TENM1: variants seen among roughly 807,000 people sequenced by gnomAD.
TENM1 encodes the protein teneurin-1.
A neutral mutation model predicts 174.8 loss-of-function variants in TENM1; 35 were observed. That is an observed-to-expected ratio of 0.20 (90% CI 0.15 to 0.27). The LOEUF is 0.27. TENM1 is among the 10% of genes least tolerant of loss of function. The pLI, the probability that TENM1 is intolerant of heterozygous loss-of-function variation, is 1.00. For missense variants in TENM1, 1,633 were observed against 2,130.1 expected (o/e 0.77, Z 4.59); for synonymous variants, 781 against 798.7 (o/e 0.98, Z 0.37).
the TENM1 span, chrX:125,204,157 G>A: frequency 8.9e-6 from 1 of 112,796 alleles, no homozygotes; most frequent in African/African-American, 3.2e-5. Context: ...GAAAGAGAGT[G>A]TTCGTGTGTG....
At chrX:124,943,413 G>A (rs896723660) in intron 1 of TENM1, among the ~76,000 whole-genome samples, 11 of 111,767 alleles carry the variant, frequency 9.8e-5, no homozygotes, top group African/African-American at 3.6e-4. Context: ...CACAGCACAC[G>A]ATTATAAGGC....
chrX:124,591,981 TG>T (rs1356516329), intron 11 of TENM1, among the ~76,000 whole-genome samples: 2 of 112,081 alleles, frequency 1.8e-5, no homozygotes. Flanking sequence ...TCTCCAAGCT[TG>T]GAAATTCTTT....
chrX:124,759,651 T>C (rs1402695735), intron 3 of TENM1, among the ~76,000 whole-genome samples: 2 of 112,219 alleles, frequency 1.8e-5, no homozygotes, highest in Non-Finnish European at 3.8e-5. Context: ...TGTACATATA[T>C]ATCATACAGC....
chrX:125,064,154 C>T, the TENM1 span, among the ~76,000 whole-genome samples: 4 of 71,654 alleles, frequency 5.6e-5, no homozygotes, highest in Non-Finnish European at 7.7e-5. Flanking sequence ...ACACCGGGGC[C>T]GTTGTGGGGT....
At chrX:124,544,735 T>C (rs1010306545) in intron 15 of TENM1, among the ~76,000 whole-genome samples, 1 of 111,957 alleles carries the variant, frequency 8.9e-6, no homozygotes, top group Non-Finnish European at 1.9e-5. Flanking sequence ...TAAGGACCCA[T>C]TGAAATGGGG....
intron 3 of TENM1, among the ~76,000 whole-genome samples, chrX:124,759,121 A>G: frequency 9.0e-6 from 1 of 111,587 alleles, no homozygotes; most frequent in Non-Finnish European, 1.9e-5. Context: ...TAAATAATTC[A>G]ATCTTTTATT....
intron 3 of TENM1, among the ~76,000 whole-genome samples, chrX:124,761,247 T>C (rs2054404789): frequency 1.8e-5 from 2 of 110,576 alleles, no homozygotes; most frequent in African/African-American, 6.6e-5. Flanking sequence ...TGCACACGTA[T>C]GTTCACGGCG....
At chrX:124,620,365 A>C (rs1425182360) in intron 11 of TENM1, among the ~76,000 whole-genome samples, 3 of 111,476 alleles carry the variant, frequency 2.7e-5, no homozygotes, top group African/African-American at 3.3e-5. Flanking sequence ...AAAAAGAGTA[A>C]AGAAGGAAAA....
At chrX:124,689,612 C>G (rs948171019) in intron 5 of TENM1, among the ~76,000 whole-genome samples, 2 of 110,830 alleles carry the variant, frequency 1.8e-5, no homozygotes, top group African/African-American at 6.6e-5. Context: ...TATTTATTAG[C>G]TATGTGATGT....
chrX:124,846,936 A>G (rs1301406432), intron 3 of TENM1, among the ~76,000 whole-genome samples: 2 of 112,013 alleles, frequency 1.8e-5, no homozygotes, highest in Non-Finnish European at 3.8e-5. Flanking sequence ...AAAAGGAACG[A>G]TATAACATTA....
At chrX:124,940,613 A>G (rs924866465) in intron 1 of TENM1, among the ~76,000 whole-genome samples, 1 of 110,300 alleles carries the variant, frequency 9.1e-6, no homozygotes, top group Non-Finnish European at 1.9e-5. Flanking sequence ...CCCTACTACC[A>G]CTTTCCAGAT....
chrX:124,623,568 G>T (rs1004273808), intron 11 of TENM1, among the ~76,000 whole-genome samples: 1 of 111,173 alleles, frequency 9.0e-6, no homozygotes, highest in Non-Finnish European at 1.9e-5. Context: ...CCTCCCAACT[G>T]TATCTATAAT....
At chrX:124,954,663 T>C (rs185415126) in intron 1 of TENM1, among the ~76,000 whole-genome samples, 44 of 111,507 alleles carry the variant, frequency 3.9e-4, no homozygotes, top group African/African-American at 1.3e-3. Context: ...ACTGCTTGGT[T>C]GCCTCCCACC....
At chrX:124,980,921 T>C in the TENM1 span, among the ~76,000 whole-genome samples, 1 of 112,283 alleles carries the variant, frequency 8.9e-6, no homozygotes, top group Non-Finnish European at 1.9e-5. Context: ...TTTTTTATCA[T>C]AAAATAGCAA....
chrX:124,741,411 C>T (rs1019519500), intron 3 of TENM1, among the ~76,000 whole-genome samples: 2 of 111,331 alleles, frequency 1.8e-5, no homozygotes, highest in African/African-American at 6.5e-5. Flanking sequence ...ACAGTCAGTT[C>T]TGCTACAAGA....
intron 11 of TENM1, among the ~76,000 whole-genome samples, chrX:124,639,519 T>C (rs1384697531): frequency 8.9e-6 from 1 of 111,766 alleles, no homozygotes; most frequent in African/African-American, 3.3e-5. Context: ...GTGAGTTAGA[T>C]AATAAATTTT....
At chrX:124,713,642 C>T (rs1308183253) in intron 4 of TENM1, among the ~76,000 whole-genome samples, 2 of 112,406 alleles carry the variant, frequency 1.8e-5, no homozygotes, top group African/African-American at 6.5e-5. Flanking sequence ...TCTGCCCTAT[C>T]TGGTCAACTA....
intron 3 of TENM1, among the ~76,000 whole-genome samples, chrX:124,893,781 G>A (rs757165769): frequency 9.4e-6 from 1 of 106,390 alleles, no homozygotes; most frequent in African/African-American, 3.9e-5. Context: ...TTACAGAAGA[G>A]AATGAACATT....
intron 3 of TENM1, among the ~76,000 whole-genome samples, chrX:124,865,011 G>C (rs1475978884): frequency 8.1e-5 from 9 of 111,548 alleles, no homozygotes; most frequent in Admixed American, 3.8e-4. Flanking sequence ...AGTATATTCA[G>C]TAAAAATATC....
Sources: allele counts gnomAD v4.1 joint callset (sites outside exome capture counted in the v4.1 genomes callset), GRCh38; gene constraint gnomAD v4.1.1; transcripts MANE v1.5; gene names NCBI Gene and HGNC (gene_info 2026-07-23, HGNC 2026-07-21).